Variants in KCNIP4 observed in about 807,000 individuals in gnomAD.
KCNIP4 encodes Kv channel-interacting protein 4.
In KCNIP4, 12 loss-of-function variants were observed where a neutral mutation model predicts 34.0. The ratio of observed to expected loss-of-function variants is 0.35; its 90% CI spans 0.23 to 0.57. KCNIP4 has a LOEUF of 0.57. Among genes scored for constraint, KCNIP4 ranks in the 20% least tolerant of loss-of-function variants. The probability of loss-of-function intolerance (pLI) is 0.83; values close to 1 mark genes in which losing one functional copy is unlikely to be tolerated. For synonymous variants in KCNIP4, 124 were observed against 102.2 expected (o/e 1.21, Z -1.29); for missense variants, 238 against 311.7 (o/e 0.76, Z 1.78).
At chr4:21,150,816 T>G (rs992297694) in intron 1 of KCNIP4, among the ~76,000 whole-genome samples, 6 of 152,180 alleles carry the variant, frequency 3.9e-5, no homozygotes, top group Admixed American at 3.9e-4. Flanking sequence ...TGAAGAAGTT[T>G]GAAATAAAGG....
Position 21,816,633 on chromosome 4 carries a change from C to G in KCNIP4, c.61+131938G>C, listed in dbSNP as rs541867076. On this transcript the variant is annotated intron_variant, in intron 1 of 8. Coordinates refer to ENST00000382152, the MANE Select transcript of KCNIP4 (RefSeq NM_025221.6). ...AACCCTTAAACTGGGAAGTCTCTTACTATTTTCTCATCTTCCTGCCATCCT... is the reference window on the plus strand; with the variant it reads ...AACCCTTAAACTGGGAAGTCTCTTAGTATTTTCTCATCTTCCTGCCATCCT... 3.9e-5 allele frequency among the ~76,000 whole-genome samples: 6 copies of G among 152,272 alleles called. No homozygotes were observed. In the East Asian group the frequency reaches 1.2e-3, roughly 29 times the overall value.
intron 1 of KCNIP4, among the ~76,000 whole-genome samples, chr4:21,474,198 T>A (rs1265683066): frequency 2.0e-5 from 3 of 152,142 alleles, no homozygotes; most frequent in Non-Finnish European, 4.4e-5. Flanking sequence ...CAGTGGAATA[T>A]ATTTAGCTGA....
At chr4:20,732,895 T>A (rs1748680124) in intron 6 of KCNIP4, 110 bp from the exon 7 acceptor site, 1 of 660,168 alleles carries the variant, frequency 1.5e-6, no homozygotes, top group Non-Finnish European at 2.6e-6. Context: ...ACTTTTTGTT[T>A]GTTGGATTCT....
At chr4:21,839,196 C>G (rs1723535494) in intron 1 of KCNIP4, among the ~76,000 whole-genome samples, 1 of 151,908 alleles carries the variant, frequency 6.6e-6, no homozygotes. Flanking sequence ...TATCTATGTT[C>G]ACAAATAAAA....
intron 1 of KCNIP4, among the ~76,000 whole-genome samples, chr4:21,073,862 G>T (rs936543052): frequency 6.6e-6 from 1 of 152,068 alleles, no homozygotes; most frequent in African/African-American, 2.4e-5. Context: ...GTTGAATTTT[G>T]TCAAAGGCCT....
At chr4:20,882,217 C>T (rs1724768692) in intron 2 of KCNIP4, among the ~76,000 whole-genome samples, 1 of 152,070 alleles carries the variant, frequency 6.6e-6, no homozygotes, top group Admixed American at 6.6e-5. Flanking sequence ...TGAATTTGGG[C>T]AGTGTCCACT....
At chr4:21,648,914 C>T (rs1382092259) in intron 1 of KCNIP4, among the ~76,000 whole-genome samples, 2 of 152,086 alleles carry the variant, frequency 1.3e-5, no homozygotes, top group African/African-American at 4.8e-5. Flanking sequence ...GATATATACT[C>T]CTGTCCCTCC....
At chr4:21,643,225 A>C (rs180704551) in intron 1 of KCNIP4, among the ~76,000 whole-genome samples, 1 of 152,260 alleles carries the variant, frequency 6.6e-6, no homozygotes, top group Non-Finnish European at 1.5e-5. Context: ...CATGAGATGT[A>C]TTGACTTTAT....
At chr4:21,043,891 G>GCTA (rs1742180294) in intron 1 of KCNIP4, among the ~76,000 whole-genome samples, 1 of 152,114 alleles carries the variant, frequency 6.6e-6, no homozygotes, top group Non-Finnish European at 1.5e-5. Flanking sequence ...GAACACTGAA[G>GCTA]CTACTGTATG....
At chr4:21,870,125 C>T (rs1578093587) in intron 1 of KCNIP4, among the ~76,000 whole-genome samples, 1 of 152,128 alleles carries the variant, frequency 6.6e-6, no homozygotes, top group East Asian at 1.9e-4. Context: ...TCCCTTGCAA[C>T]TTAGCGTCAC....
chr4:20,838,910 T>C (rs1719378059), intron 3 of KCNIP4, among the ~76,000 whole-genome samples: 1 of 152,240 alleles, frequency 6.6e-6, no homozygotes, highest in Non-Finnish European at 1.5e-5. Context: ...TTACATAAGT[T>C]GTTTTTAAAA....
chr4:21,302,684 C>T (rs1711874783), intron 1 of KCNIP4, among the ~76,000 whole-genome samples: 1 of 152,180 alleles, frequency 6.6e-6, no homozygotes, highest in Non-Finnish European at 1.5e-5. Flanking sequence ...AAACCCAGCT[C>T]TCCACCATCC....
At chr4:21,561,593 T>C (rs561018662) in intron 1 of KCNIP4, among the ~76,000 whole-genome samples, 1 of 151,982 alleles carries the variant, frequency 6.6e-6, no homozygotes, top group Non-Finnish European at 1.5e-5. Context: ...GCAGTTCTAT[T>C]GTTTTTCCTT....
At chr4:21,692,387 C>T (rs1711754353) in intron 1 of KCNIP4, among the ~76,000 whole-genome samples, 1 of 152,100 alleles carries the variant, frequency 6.6e-6, no homozygotes, top group African/African-American at 2.4e-5. Context: ...TTAAGCAAGA[C>T]CATGAATTCC....
intron 1 of KCNIP4, among the ~76,000 whole-genome samples, chr4:21,436,312 G>A (rs1726940670): frequency 6.6e-6 from 1 of 152,188 alleles, no homozygotes; most frequent in African/African-American, 2.4e-5. Context: ...GACTCTGAAT[G>A]AAGGCACAGG....
chr4:21,686,979 C>T (rs936778625), intron 1 of KCNIP4, among the ~76,000 whole-genome samples: 3 of 148,912 alleles, frequency 2.0e-5, no homozygotes, highest in Non-Finnish European at 3.0e-5. Context: ...CCATGGAATA[C>T]TATGCAGCCA....
rs115717769 is a variant in KCNIP4, at chr4:21,813,049, G to T, written c.61+135522C>A. Among the ~76,000 whole-genome samples the T allele has an allele frequency of 1.1e-3, 174 of 152,158 alleles. 1 individual carries two copies. Among genetic ancestry groups the T allele is most frequent in the African/African-American group, 3.9e-3 (163 of 41,522 alleles). ...CCCCCAAGAGGCTACATCTTCTAAT[G>T]GCTTCTAACTTTTCCAGATGTTGCC... On this transcript the variant is annotated intron_variant, in intron 1 of 8. Coordinates refer to ENST00000382152, the MANE Select transcript of KCNIP4 (RefSeq NM_025221.6).
intron 2 of KCNIP4, among the ~76,000 whole-genome samples, chr4:20,864,842 T>G (rs932402014): frequency 5.3e-5 from 8 of 152,102 alleles, no homozygotes; most frequent in Non-Finnish European, 1.2e-4. Flanking sequence ...ATCTTGATCT[T>G]TTTCATTCCT....
At chr4:20,836,953 C>T (rs998093438) in intron 3 of KCNIP4, among the ~76,000 whole-genome samples, 11 of 152,014 alleles carry the variant, frequency 7.2e-5, no homozygotes, top group Admixed American at 5.9e-4. Context: ...TCCTCCACCA[C>T]ACTCTAATGT....
Sources: allele counts gnomAD v4.1 joint callset (sites outside exome capture counted in the v4.1 genomes callset), GRCh38; gene constraint gnomAD v4.1.1; transcripts MANE v1.5; gene names NCBI Gene and HGNC (gene_info 2026-07-23, HGNC 2026-07-21).